Variants in KCNH1 observed in about 807,000 individuals in gnomAD.
KCNH1 encodes voltage-gated delayed rectifier potassium channel KCNH1.
Under a neutral mutation model 69.2 loss-of-function variants are expected in KCNH1, and 27 were observed. The observed-to-expected ratio is 0.39, with a 90% CI of 0.29 to 0.54. The LOEUF is 0.54. Among genes scored for constraint, KCNH1 ranks in the 20% least tolerant of loss-of-function variants. The pLI is 0.68. For synonymous variants in KCNH1, 456 were observed against 487.7 expected, an observed-to-expected ratio of 0.93 and a Z score of 0.86; for missense variants, 798 against 1,261.6, an observed-to-expected ratio of 0.63 and a Z score of 5.57.
intron 6 of KCNH1, among the ~76,000 whole-genome samples, chr1:210,931,920 T>C (rs922467870): frequency 6.6e-6 from 1 of 150,516 alleles, no homozygotes; most frequent in Non-Finnish European, 1.5e-5. Flanking sequence ...GAGACAAGCC[T>C]CTTGAAGTAA....
chr1:210,712,726 A>AT (rs1682107946), intron 10 of KCNH1, among the ~76,000 whole-genome samples: 1 of 152,182 alleles, frequency 6.6e-6, no homozygotes, highest in African/African-American at 2.4e-5. Flanking sequence ...TGCCTGAAAC[A>AT]TTCACTCCTA....
chr1:210,902,222 A>G (rs1246035287), intron 7 of KCNH1, among the ~76,000 whole-genome samples: 1 of 152,242 alleles, frequency 6.6e-6, no homozygotes, highest in Non-Finnish European at 1.5e-5. Context: ...ACATGTGCCA[A>G]TAGCTGAGGA....
intron 5 of KCNH1, among the ~76,000 whole-genome samples, chr1:211,082,122 G>A (rs1449912426): frequency 2.0e-5 from 3 of 152,048 alleles, no homozygotes; most frequent in African/African-American, 7.2e-5. Context: ...AAAGAAGAAT[G>A]CCAAATTTTC....
chr1:211,048,211 G>C (rs986089181), intron 5 of KCNH1, among the ~76,000 whole-genome samples: 4 of 152,098 alleles, frequency 2.6e-5, no homozygotes, highest in Non-Finnish European at 4.4e-5. Flanking sequence ...TGGTGAAAAG[G>C]GAACACTTTT....
At chr1:210,738,367 A>C (rs1244906853) in intron 10 of KCNH1, among the ~76,000 whole-genome samples, 1 of 152,090 alleles carries the variant, frequency 6.6e-6, no homozygotes, top group Non-Finnish European at 1.5e-5. Flanking sequence ...AGAAACTCTC[A>C]TTGCATGTTT....
intron 7 of KCNH1, among the ~76,000 whole-genome samples, chr1:210,830,923 C>T (rs530707786): frequency 6.6e-6 from 1 of 152,194 alleles, no homozygotes; most frequent in Non-Finnish European, 1.5e-5. Flanking sequence ...AGGGCAACAC[C>T]ATTAAGCTTC....
chr1:211,029,055 G>A (rs114486495), intron 5 of KCNH1, among the ~76,000 whole-genome samples: 37 of 151,394 alleles, frequency 2.4e-4, no homozygotes, highest in African/African-American at 8.0e-4. Context: ...ATGAGGCCAG[G>A]CATGGTGGCT....
At position 210,772,131 on chromosome 1, in the gene KCNH1, T is replaced by G. The variant is rs1162264202; in HGVS notation, c.2112+3217A>C. On this transcript the variant is annotated intron_variant, in intron 10 of 10. Coordinates refer to ENST00000271751, the MANE Select transcript of KCNH1 (RefSeq NM_172362.3). ...GTCACTTCTGGCTCCAATTCTTTCATCCCAACCCAGCTCTGTGACCTTTCT... is the reference window on the plus strand; with the variant it reads ...GTCACTTCTGGCTCCAATTCTTTCAGCCCAACCCAGCTCTGTGACCTTTCT... Among the ~76,000 whole-genome samples the G allele has an allele frequency of 2.0e-5, 3 of 152,222 alleles. 1 individual carries two copies. The highest frequency in any genetic ancestry group is 4.4e-5 in the Non-Finnish European group (3 of 68,040).
intron 6 of KCNH1, among the ~76,000 whole-genome samples, chr1:210,999,364 C>T (rs1329431991): frequency 1.3e-5 from 2 of 152,076 alleles, no homozygotes; most frequent in Non-Finnish European, 2.9e-5. Flanking sequence ...TACAAACTAC[C>T]ATCAGAGAAT....
intron 6 of KCNH1, among the ~76,000 whole-genome samples, chr1:210,998,320 T>C (rs1689094636): frequency 6.6e-6 from 1 of 152,134 alleles, no homozygotes; most frequent in Non-Finnish European, 1.5e-5. Flanking sequence ...GAGGAAGATC[T>C]ACCAAGAAAA....
At position 210,974,830 on chromosome 1, in the gene KCNH1, A is replaced by G. The variant is rs564188002; in HGVS notation, c.1032+43953T>C. Among the ~76,000 whole-genome samples, 26 of 152,018 alleles carry G rather than the reference A, an allele frequency of 1.7e-4. No individual in the cohort carries two copies. In the East Asian group the frequency reaches 3.7e-3, roughly 22 times the overall value. On this transcript the variant is annotated intron_variant, in intron 6 of 10. Transcript: ENST00000271751. ...ACCCACCTTGGCCTCCCAAAGTGCT[A>G]GGATTACAGGTGTGAGCCACCACAC...
chr1:210,705,270 A>C (rs939479795), intron 10 of KCNH1, among the ~76,000 whole-genome samples: 1 of 152,210 alleles, frequency 6.6e-6, no homozygotes, highest in African/African-American at 2.4e-5. Context: ...GCAGATTCTC[A>C]TTCGTCCACT....
intron 1 of KCNH1, among the ~76,000 whole-genome samples, chr1:211,128,538 G>C (rs1263857714): frequency 6.6e-6 from 1 of 152,138 alleles, no homozygotes; most frequent in African/African-American, 2.4e-5. Flanking sequence ...TTTAGGAGGA[G>C]AGTGAGGGAC....
chr1:211,124,941 T>C (rs533094613), intron 1 of KCNH1, among the ~76,000 whole-genome samples: 3 of 152,126 alleles, frequency 2.0e-5, no homozygotes, highest in Non-Finnish European at 4.4e-5. Flanking sequence ...CATAATCAGA[T>C]CTTAAGAGGT....
chr1:211,113,464 T>G (rs570003711), intron 1 of KCNH1, among the ~76,000 whole-genome samples: 1 of 152,326 alleles, frequency 6.6e-6, no homozygotes, highest in Non-Finnish European at 1.5e-5. Flanking sequence ...CTTTTCAATG[T>G]TTGGTCTCTT....
At chr1:210,943,811 A>T (rs370975886) in intron 6 of KCNH1, among the ~76,000 whole-genome samples, 1 of 152,172 alleles carries the variant, frequency 6.6e-6, no homozygotes, top group Non-Finnish European at 1.5e-5. Flanking sequence ...ATTCACAAAG[A>T]CTGAGGACTC....
At chr1:210,716,991 A>G (rs960150560) in intron 10 of KCNH1, among the ~76,000 whole-genome samples, 2 of 152,188 alleles carry the variant, frequency 1.3e-5, no homozygotes, top group Non-Finnish European at 2.9e-5. Flanking sequence ...AGTTTATATC[A>G]TGAATGATAT....
intron 8 of KCNH1, among the ~76,000 whole-genome samples, chr1:210,803,436 G>T (rs1466335658): frequency 6.6e-6 from 1 of 152,242 alleles, no homozygotes; most frequent in Non-Finnish European, 1.5e-5. Flanking sequence ...GTCAAGATGA[G>T]GTTGAGATGA....
At chr1:211,028,370 C>A (rs1042743023) in intron 5 of KCNH1, among the ~76,000 whole-genome samples, 1 of 151,512 alleles carries the variant, frequency 6.6e-6, no homozygotes, top group Admixed American at 6.6e-5. Context: ...AGTCTTAAAT[C>A]AATATTCTAA....
Sources: allele counts gnomAD v4.1 joint callset (sites outside exome capture counted in the v4.1 genomes callset), GRCh38; gene constraint gnomAD v4.1.1; transcripts MANE v1.5; gene names NCBI Gene and HGNC (gene_info 2026-07-23, HGNC 2026-07-21).